The following LTBP2 variants were observed in gnomAD, a reference collection of about 807,000 sequenced individuals.
LTBP2 encodes the protein latent-transforming growth factor beta-binding protein 2.
In LTBP2, 103 loss-of-function variants were observed where a neutral mutation model predicts 210.6. The ratio of observed to expected loss-of-function variants is 0.49; its 90% CI spans 0.42 to 0.58. The LOEUF (loss-of-function observed/expected upper bound fraction) is 0.58. LTBP2 is among the 20% of genes least tolerant of loss of function. LTBP2 has a pLI of 0.00. For missense variants in LTBP2, 2,313 were observed against 2,494.5 expected (o/e 0.93, Z 1.55); for synonymous variants, 1,007 against 1,015.0 (o/e 0.99, Z 0.15).
chr14:74,527,319 C>G, intron 13 of LTBP2, 28 bp downstream of exon 13: 2 of 1,609,166 alleles, frequency 1.2e-6, no homozygotes, highest in Non-Finnish European at 8.5e-7. Context: ...CATGCTTGCC[C>G]GGCCCCCTAG....
intron 8 of LTBP2, among the ~76,000 whole-genome samples, chr14:74,537,032 T>G (rs1174500561): frequency 6.6e-6 from 1 of 152,166 alleles, no homozygotes; most frequent in Admixed American, 6.5e-5. Context: ...TTTTTGCTTT[T>G]TATTTTGAAA....
At chr14:74,567,789 G>T (rs2087923522) in intron 3 of LTBP2, among the ~76,000 whole-genome samples, 1 of 152,026 alleles carries the variant, frequency 6.6e-6, no homozygotes, top group Non-Finnish European at 1.5e-5. Context: ...CTTCTCCATG[G>T]CTTCTCCCAG....
At chr14:74,549,749 C>G in intron 8 of LTBP2, 114 bp downstream of exon 8, 4 of 883,500 alleles carry the variant, frequency 4.5e-6, no homozygotes, top group African/African-American at 1.6e-5. Context: ...TGCAGTTTAC[C>G]AGCCTGTTCT....
intron 2 of LTBP2, among the ~76,000 whole-genome samples, chr14:74,598,917 C>T (rs551877610): frequency 7.9e-5 from 12 of 152,310 alleles, no homozygotes; most frequent in African/African-American, 2.9e-4. Context: ...GGATTCATGT[C>T]TGGGCTCTGA....
intron 8 of LTBP2, among the ~76,000 whole-genome samples, chr14:74,547,962 T>C (rs1392036999): frequency 6.6e-6 from 1 of 152,144 alleles, no homozygotes; most frequent in East Asian, 1.9e-4. Context: ...CAGAAAATGT[T>C]GCTCATTCTC....
In LTBP2 at chr14:74,499,978, G is replaced by C. The variant is rs1352132742; in HGVS notation, c.*906C>G. The C allele has an allele frequency of 4.3e-6, 1 of 231,150 alleles. No homozygotes were observed. Among genetic ancestry groups the C allele is most frequent in the African/African-American group, 2.2e-5 (1 of 45,210 alleles). The allele number at this position is 231,150 out of a possible 1,614,324, so 14.3% of individuals were successfully genotyped here. A position where few individuals can be genotyped will look rare whatever the true frequency, so the allele number is the denominator to read the frequency against. ...TTTTTACTTTTAGCACATCAAACTGGTTTTCACAAAAGGAGATCCCAGAAG... is the reference window on the plus strand; with the variant it reads ...TTTTTACTTTTAGCACATCAAACTGCTTTTCACAAAAGGAGATCCCAGAAG... On this transcript the variant is annotated 3_prime_UTR_variant, in exon 36 of 36. Transcript: ENST00000261978.
chr14:74,555,742 T>C (rs1390700595), intron 3 of LTBP2, 49 bp from the exon 4 acceptor site: 2 of 1,349,014 alleles, frequency 1.5e-6, no homozygotes, highest in Middle Eastern at 2.7e-4. Context: ...GAACAGTGTG[T>C]CTGTGCCACT....
intron 1 of LTBP2, among the ~76,000 whole-genome samples, chr14:74,605,949 C>T (rs1014714823): frequency 6.6e-6 from 1 of 152,102 alleles, no homozygotes; most frequent in African/African-American, 2.4e-5. Context: ...TCCCTACAGG[C>T]CAATATTAAA....
At chr14:74,547,544 C>A (rs2087593569) in intron 8 of LTBP2, among the ~76,000 whole-genome samples, 1 of 152,200 alleles carries the variant, frequency 6.6e-6, no homozygotes, top group African/African-American at 2.4e-5. Context: ...TCTTCCCCTT[C>A]ATTATTTCTC....
chr14:74,561,708 C>T (rs1414173733), intron 3 of LTBP2, among the ~76,000 whole-genome samples: 1 of 152,146 alleles, frequency 6.6e-6, no homozygotes, highest in African/African-American at 2.4e-5. Flanking sequence ...CCAGCAACTC[C>T]ATTTTATAGC....
chr14:74,566,856 C>T (rs1441287709), intron 3 of LTBP2, among the ~76,000 whole-genome samples: 1 of 152,208 alleles, frequency 6.6e-6, no homozygotes, highest in Non-Finnish European at 1.5e-5. Context: ...CCACTCACCC[C>T]ACCTGGCTGC....
At chr14:74,578,104 G>T (rs938063079) in intron 3 of LTBP2, among the ~76,000 whole-genome samples, 1 of 152,124 alleles carries the variant, frequency 6.6e-6, no homozygotes, top group Non-Finnish European at 1.5e-5. Flanking sequence ...GCCAGGCTCA[G>T]AAGGCCAGGG....
At position 74,585,981 on chromosome 14, in the gene LTBP2, C is replaced by T; in HGVS notation, c.703G>A (p.Ala235Thr). 1 of 1,612,540 alleles carries T rather than the reference C, an allele frequency of 6.2e-7. No individual in the cohort carries two copies. The highest frequency in any genetic ancestry group is 8.5e-7 in the Non-Finnish European group (1 of 1,179,424). Reference protein sequence around the residue: ...EEFDPQNSRLAPRRWAERSPN... With the variant: ...EEFDPQNSRLTPRRWAERSPN... The stretch of plus-strand genomic sequence containing the variant: ...GAACGCTCGGCCCAGCGTCGAGGTG[C>T]CAGCCTGGAGTTCTGGGGGTCAAAT... Residue 235 changes from alanine (A) to threonine (T), a missense_variant, in exon 3 of 36, where the codon GCA becomes ACA. Coordinates refer to ENST00000261978, the MANE Select transcript of LTBP2 (RefSeq NM_000428.3).
intron 2 of LTBP2, among the ~76,000 whole-genome samples, chr14:74,599,717 G>C (rs566945249): frequency 1.3e-5 from 2 of 152,372 alleles, no homozygotes; most frequent in African/African-American, 4.8e-5. Context: ...TGCAGAACAG[G>C]GCGGAAGGAG....
At chr14:74,510,906 C>T (rs186210204) in intron 19 of LTBP2, among the ~76,000 whole-genome samples, 12 of 152,256 alleles carry the variant, frequency 7.9e-5, no homozygotes, top group Non-Finnish European at 2.9e-5. Flanking sequence ...GCAGGAGACC[C>T]TTCCTCCCTG....
intron 9 of LTBP2, 68 bp downstream of exon 9, chr14:74,535,858 C>T: frequency 7.2e-7 from 1 of 1,392,836 alleles, no homozygotes; most frequent in Non-Finnish European, 1.0e-6. Context: ...TGACAGACAC[C>T]CCTCCTGTCT....
chr14:74,513,325 G>A (rs113493128), intron 18 of LTBP2, among the ~76,000 whole-genome samples: 18 of 152,338 alleles, frequency 1.2e-4, no homozygotes, highest in Middle Eastern at 6.8e-3. Context: ...GAGGGCCAAC[G>A]AACTGTGAGT....
intron 3 of LTBP2, among the ~76,000 whole-genome samples, chr14:74,572,014 A>G (rs565604570): frequency 6.6e-6 from 1 of 152,100 alleles, no homozygotes; most frequent in South Asian, 2.1e-4. Context: ...TCCACCATGA[A>G]TCACAGACAC....
intron 6 of LTBP2, 151 bp from the exon 7 acceptor site, chr14:74,551,501 G>A (rs2087656428): frequency 1.3e-6 from 1 of 780,764 alleles, no homozygotes. Flanking sequence ...TCCCAAGTTA[G>A]AACCCCAGAA....
Sources: gnomAD v4.1 joint callset for allele counts (sites outside exome capture counted in the v4.1 genomes callset) on GRCh38, gnomAD v4.1.1 for gene constraint, MANE v1.5 for transcripts, NCBI Gene and HGNC (gene_info 2026-07-23, HGNC 2026-07-21) for gene names.